The following SMIM31 variants were observed in gnomAD, a reference collection of about 807,000 sequenced individuals.
The protein encoded by SMIM31 is human epithelial cell program regulator.
At chr4:164,765,421 G>A (rs1732706912) in intron 1 of SMIM31, among the ~76,000 whole-genome samples, 1 of 152,174 alleles carries the variant, frequency 6.6e-6, no homozygotes. Flanking sequence ...AGACTAATGA[G>A]CGTTGTTGGC....
intron 2 of SMIM31, among the ~76,000 whole-genome samples, chr4:164,784,994 C>A (rs1430241015): frequency 6.6e-6 from 1 of 151,282 alleles, no homozygotes; most frequent in East Asian, 1.9e-4. Flanking sequence ...GAGGCCGAGG[C>A]GGGCGGATTG....
chr4:164,795,003 C>T (rs1733171142), intron 2 of SMIM31, among the ~76,000 whole-genome samples: 2 of 151,916 alleles, frequency 1.3e-5, no homozygotes, highest in African/African-American at 4.8e-5. Context: ...ACTTTCACTT[C>T]TTACTTTACA....
intron 1 of SMIM31, among the ~76,000 whole-genome samples, chr4:164,761,107 T>A (rs1162879244): frequency 6.6e-6 from 1 of 152,250 alleles, no homozygotes; most frequent in Admixed American, 6.5e-5. Context: ...CTTTGGTTAT[T>A]CTTCCCATTT....
intron 2 of SMIM31, among the ~76,000 whole-genome samples, chr4:164,798,007 T>G (rs895926111): frequency 6.6e-6 from 1 of 152,152 alleles, no homozygotes; most frequent in African/African-American, 2.4e-5. Flanking sequence ...GTTTGTCAGT[T>G]AGTTCACCTA....
At chr4:164,782,948 G>A (rs1484373632) in intron 2 of SMIM31, among the ~76,000 whole-genome samples, 1 of 152,014 alleles carries the variant, frequency 6.6e-6, no homozygotes, top group Non-Finnish European at 1.5e-5. Context: ...GGCCAGGTGT[G>A]GTGGCTCACA....
At chr4:164,799,962 T>C (rs1733261330) in intron 2 of SMIM31, among the ~76,000 whole-genome samples, 2 of 152,176 alleles carry the variant, frequency 1.3e-5, no homozygotes, top group Non-Finnish European at 2.9e-5. Flanking sequence ...TTCAAAGCCA[T>C]AAGGTGCTTT....
At chr4:164,761,515 A>G (rs1049482933) in intron 1 of SMIM31, among the ~76,000 whole-genome samples, 3 of 152,206 alleles carry the variant, frequency 2.0e-5, no homozygotes, top group African/African-American at 7.2e-5. Flanking sequence ...TAGAGTCTGT[A>G]GTTGCAAAGA....
intron 2 of SMIM31, among the ~76,000 whole-genome samples, chr4:164,772,393 T>C (rs1478287933): frequency 6.6e-6 from 1 of 152,084 alleles, no homozygotes; most frequent in Non-Finnish European, 1.5e-5. Flanking sequence ...GGTATTACAT[T>C]TCAACATGAG....
In SMIM31 at chr4:164,769,209, C is replaced by T. The variant is rs546794289; in HGVS notation, c.-25-1210C>T. 2.0e-5 allele frequency among the ~76,000 whole-genome samples: 3 copies of T among 152,248 alleles called. No homozygotes were observed. The South Asian group carries it at 6.2e-4, about 32-fold the overall frequency. ...AGTTTTTTCCAGTTACCATTCTCTT[C>T]CTTCATTCTCTCCTGTACATGGAGA... On this transcript the variant is annotated intron_variant, in intron 1 of 2. Coordinates refer to ENST00000507311, the MANE Select transcript of SMIM31 (RefSeq NM_001352885.1).
intron 2 of SMIM31, among the ~76,000 whole-genome samples, chr4:164,773,116 A>T (rs143058513): frequency 5.8e-4 from 88 of 152,114 alleles, no homozygotes; most frequent in African/African-American, 1.8e-3. Flanking sequence ...ATATAACAAG[A>T]TACAACTTAA....
At chr4:164,757,240 T>C (rs1451526549) in intron 1 of SMIM31, among the ~76,000 whole-genome samples, 2 of 152,208 alleles carry the variant, frequency 1.3e-5, no homozygotes, top group Admixed American at 6.5e-5. Flanking sequence ...TTCAAATATT[T>C]GGGCCATTTT....
At chr4:164,777,311 T>G (rs1174032252) in intron 2 of SMIM31, among the ~76,000 whole-genome samples, 2 of 152,246 alleles carry the variant, frequency 1.3e-5, no homozygotes, top group African/African-American at 4.8e-5. Context: ...GCGTGGTATA[T>G]TTCCATTTTT....
At chr4:164,758,801 A>ATGTTTTTTTTTTTTTTTTT (rs1732604536) in intron 1 of SMIM31, among the ~76,000 whole-genome samples, 1 of 60,908 alleles carries the variant, frequency 1.6e-5, no homozygotes, top group Non-Finnish European at 2.9e-5. Context: ...GCCCGGCCAA[A>ATGTTTTTTTTTTTTTTTTT]TTTTTTTTTT....
intron 2 of SMIM31, among the ~76,000 whole-genome samples, chr4:164,796,197 G>A (rs1377937486): frequency 6.6e-6 from 1 of 152,200 alleles, no homozygotes; most frequent in East Asian, 1.9e-4. Flanking sequence ...ACCACCATGT[G>A]TAAAATAAAT....
intron 2 of SMIM31, among the ~76,000 whole-genome samples, chr4:164,779,084 G>A (rs1732913990): frequency 6.6e-6 from 1 of 151,876 alleles, no homozygotes; most frequent in South Asian, 2.1e-4. Flanking sequence ...TAATTAACTA[G>A]GTTTGATTGA....
At chr4:164,792,448 G>A (rs1422760523) in intron 2 of SMIM31, among the ~76,000 whole-genome samples, 1 of 151,996 alleles carries the variant, frequency 6.6e-6, no homozygotes, top group African/African-American at 2.4e-5. Flanking sequence ...TTTTTTCACA[G>A]TTTATTTAAT....
intron 2 of SMIM31, among the ~76,000 whole-genome samples, chr4:164,793,105 A>G (rs1438884752): frequency 1.3e-5 from 2 of 152,204 alleles, no homozygotes; most frequent in Non-Finnish European, 2.9e-5. Flanking sequence ...AAATATACAC[A>G]GGAACAGGAA....
intron 2 of SMIM31, 129 bp from the exon 3 acceptor site, chr4:164,800,962 A>G (rs1733275266): frequency 2.6e-6 from 1 of 391,310 alleles, no homozygotes; most frequent in Admixed American, 4.4e-5. Flanking sequence ...CGCTAGGTGT[A>G]ATCCCTTTCC....
At chr4:164,797,956 T>C (rs1733226576) in intron 2 of SMIM31, among the ~76,000 whole-genome samples, 1 of 152,184 alleles carries the variant, frequency 6.6e-6, no homozygotes, top group South Asian at 2.1e-4. Context: ...CTATTGATTA[T>C]CTCTCACCTA....
Sources: allele counts gnomAD v4.1 joint callset (sites outside exome capture counted in the v4.1 genomes callset), GRCh38; gene constraint gnomAD v4.1.1; transcripts MANE v1.5; gene names NCBI Gene and HGNC (gene_info 2026-07-23, HGNC 2026-07-21).